The following DOP1B variants were observed in gnomAD, a reference collection of about 807,000 sequenced individuals.
DOP1B encodes the protein protein DOP1B.
Under a neutral mutation model 233.5 loss-of-function variants are expected in DOP1B, and 174 were observed. The observed-to-expected ratio is 0.75, with a 90% CI of 0.66 to 0.85. The LOEUF is 0.85. Ranked by LOEUF, DOP1B falls within the 40% of genes least tolerant of loss-of-function variation. DOP1B has a pLI of 0.00. For synonymous variants in DOP1B, 1,190 were observed against 1,185.6 expected (o/e 1.00, Z -0.08); for missense variants, 2,652 against 2,846.6 (o/e 0.93, Z 1.56).
At position 36,225,523 on chromosome 21, in the gene DOP1B, G is replaced by A. The variant is rs755477088; in HGVS notation, c.1371-42G>A. 6 of 1,609,316 alleles carry A rather than the reference G, an allele frequency of 3.7e-6. No homozygotes were observed. In the African/African-American group the frequency reaches 4.0e-5, roughly 11 times the overall value. ...TAAGATTATAGGTGTGAGCCTCCATGCCTGGCCAAAGAATGGATTTTTTCT... is the reference window on the plus strand; with the variant it reads ...TAAGATTATAGGTGTGAGCCTCCATACCTGGCCAAAGAATGGATTTTTTCT... On this transcript the variant is annotated intron_variant, in intron 11 of 36. Coordinates refer to ENST00000691173, the MANE Select transcript of DOP1B (RefSeq NM_001320714.2).
At position 36,232,819 on chromosome 21, in the gene DOP1B, GTTTTCCA is replaced by G; in HGVS notation, c.2368_2374del (p.Phe790LeufsTer3). 1.9e-6 allele frequency: 3 copies of G among 1,612,568 alleles called. No individual in the cohort carries two copies. Among genetic ancestry groups the G allele is most frequent in the Non-Finnish European group, 2.5e-6 (3 of 1,179,842 alleles). ...TTCCTTTCAGGAGCCGGTGATTCCA[GTTTTCCA>G]TCTTGGCTGAAGTCCCTCATGACTA... On this transcript the variant is annotated frameshift_variant, in exon 15 of 37. Transcript: ENST00000691173. LOFTEE classifies it high-confidence loss of function.
chr21:36,180,393 A>C (rs201082248), intron 2 of DOP1B, among the ~76,000 whole-genome samples: 2 of 151,564 alleles, frequency 1.3e-5, no homozygotes, highest in East Asian at 3.9e-4. Context: ...ACATGGTGAA[A>C]CCTCATCTTT....
intron 22 of DOP1B, among the ~76,000 whole-genome samples, chr21:36,253,406 T>A (rs2067053878): frequency 6.6e-6 from 1 of 152,174 alleles, no homozygotes; most frequent in Admixed American, 6.5e-5. Flanking sequence ...CAATAGGAAA[T>A]GTTTGTTTAA....
At chr21:36,269,454 G>A (rs1165662100) in intron 26 of DOP1B, among the ~76,000 whole-genome samples, 3 of 151,244 alleles carry the variant, frequency 2.0e-5, no homozygotes, top group Non-Finnish European at 4.4e-5. Flanking sequence ...CACACCTAGC[G>A]TATTAATAAT....
Position 36,289,064 on chromosome 21 carries a change from A to G in DOP1B, c.6373A>G (p.Arg2125Gly). 6.2e-7 allele frequency: 1 copy of G among 1,611,820 alleles called. No individual in the cohort carries two copies. The highest frequency in any genetic ancestry group is 2.2e-5 in the East Asian group (1 of 44,884). ...ESLRSTNKVN[R>G]TKVSVPDANG... is the part of the protein sequence containing the mutation. ...TTATAGAAGCACCAACAAAGTAAAC[A>G]GAACGAAAGTTTCAGTCCCGGATGC... Residue 2125 changes from arginine (R) to glycine (G), a missense_variant, in exon 35 of 37, where the codon AGA becomes GGA. This residue lies in a region of DOP1B where 2,617 missense variants were observed against 2,794.3 expected (regional missense o/e 0.94). Transcript: ENST00000691173.
Position 36,199,326 on chromosome 21 carries a change from GACAA to G in DOP1B, c.320+79_320+82del, listed in dbSNP as rs1198941686. The G allele has an allele frequency of 3.4e-5, 52 of 1,534,302 alleles. 1 individual carries two copies. In the South Asian group the frequency reaches 5.4e-4, roughly 16 times the overall value. ...ATTTCAGCTCACAAGATGAGAAAAT[GACAA>G]ACAGGCAAAATAAGCGTAGGGCTGT... On this transcript the variant is annotated intron_variant, in intron 3 of 36. Coordinates refer to ENST00000691173, the MANE Select transcript of DOP1B (RefSeq NM_001320714.2).
chr21:36,191,888 C>T (rs1401396771), intron 2 of DOP1B, among the ~76,000 whole-genome samples: 1 of 151,944 alleles, frequency 6.6e-6, no homozygotes, highest in Non-Finnish European at 1.5e-5. Flanking sequence ...TGGTAAAATA[C>T]ACATGGCCTA....
At chr21:36,259,713 G>A (rs1333660305) in intron 23 of DOP1B, among the ~76,000 whole-genome samples, 1 of 152,198 alleles carries the variant, frequency 6.6e-6, no homozygotes, top group Non-Finnish European at 1.5e-5. Flanking sequence ...ATGACAGCCA[G>A]AGCGAGTGTG....
At chr21:36,224,477 G>T (rs1442901824) in intron 11 of DOP1B, among the ~76,000 whole-genome samples, 1 of 151,670 alleles carries the variant, frequency 6.6e-6, no homozygotes, top group East Asian at 1.9e-4. Flanking sequence ...GCCGCATCTG[G>T]CCATCCTGGT....
At chr21:36,157,132 C>T (rs1220927653) in intron 1 of DOP1B, among the ~76,000 whole-genome samples, 189 bp downstream of exon 1, 1 of 152,092 alleles carries the variant, frequency 6.6e-6, no homozygotes, top group Admixed American at 6.5e-5. Flanking sequence ...GCGCGCTCTG[C>T]TGCAGTGCGG....
intron 5 of DOP1B, 94 bp from the exon 6 acceptor site, chr21:36,211,459 C>A: frequency 8.7e-7 from 1 of 1,143,448 alleles, no homozygotes; most frequent in Non-Finnish European, 1.3e-6. Context: ...AGTGATATAA[C>A]GCAGGAGTTT....
intron 26 of DOP1B, among the ~76,000 whole-genome samples, chr21:36,264,091 A>T (rs34253237): frequency 0.14 from 20,928 of 152,236 alleles, 1,560 homozygotes; most frequent in South Asian, 0.26. Context: ...ATGCAGATGT[A>T]TGTGGATCTC....
At chr21:36,255,716 G>A (rs2067088280) in intron 23 of DOP1B, among the ~76,000 whole-genome samples, 2 of 152,196 alleles carry the variant, frequency 1.3e-5, no homozygotes, top group Non-Finnish European at 2.9e-5. Flanking sequence ...ACGGGCGAGA[G>A]CCACCATGCC....
chr21:36,158,298 A>G (rs1404461901), intron 1 of DOP1B, among the ~76,000 whole-genome samples: 1 of 152,202 alleles, frequency 6.6e-6, no homozygotes, highest in Admixed American at 6.6e-5. Flanking sequence ...ATAGATTGCA[A>G]GATCATTGGC....
At position 36,280,286 on chromosome 21, in the gene DOP1B, T is replaced by C. The variant is rs1192065032; in HGVS notation, c.5971T>C (p.Trp1991Arg). 6.2e-7 allele frequency: 1 copy of C among 1,603,794 alleles called. No homozygotes were observed. The highest frequency in any genetic ancestry group is 8.5e-7 in the Non-Finnish European group (1 of 1,173,382). The change falls in exon 31 of 37, where the codon TGG becomes CGG. Residue 1991 changes from tryptophan (W) to arginine (R), a missense_variant and splice_region_variant. Physicochemically the swap from Trp to Arg is moderately radical, Grantham distance 101. Around this residue, in one of 3 missense-constraint regions of DOP1B, gnomAD observed 2,617 missense variants for 2,794.3 expected, o/e 0.94. Coordinates refer to ENST00000691173, the MANE Select transcript of DOP1B (RefSeq NM_001320714.2). ...FFQMDTSCVH[W>R]KSIIDHLLTH... is the part of the protein sequence containing the mutation. ...GATTTTGCTTTCTTTAATATCCAGT[T>C]GGAAGTCCATTATTGACCATCTTTT... is the stretch of plus-strand genomic sequence containing the variant.
At chr21:36,188,867 C>T (rs1290786051) in intron 2 of DOP1B, among the ~76,000 whole-genome samples, 4 of 152,076 alleles carry the variant, frequency 2.6e-5, no homozygotes, top group African/African-American at 4.8e-5. Flanking sequence ...CTAAATAAAG[C>T]GTTTTAAAAA....
Position 36,230,554 on chromosome 21 carries a change from G to A in DOP1B, c.1770G>A (p.Gly590=). 1 of 1,614,244 alleles carries A rather than the reference G, an allele frequency of 6.2e-7. No individual in the cohort carries two copies. The highest frequency in any genetic ancestry group is 8.5e-7 in the Non-Finnish European group (1 of 1,180,042). Residue 590 remains glycine (G), a synonymous_variant, in exon 14 of 37, where the codon GGG becomes GGA. Transcript: ENST00000691173. ...SFPPLKSEDS[G]IGLSASSPEL... ...CCCCTCTGAAGTCTGAGGACAGTGG[G>A]ATCGGGCTCAGTGCCTCGTCACCGG...
At position 36,245,148 on chromosome 21, in the gene DOP1B, G is replaced by C; in HGVS notation, c.3168G>C (p.Leu1056=). 2 of 1,614,038 alleles carry C rather than the reference G, an allele frequency of 1.2e-6. No homozygotes were observed. Among genetic ancestry groups the C allele is most frequent in the South Asian group, 2.2e-5 (2 of 91,084 alleles). The change falls in exon 19 of 37, where the codon CTG becomes CTC. Residue 1056 remains leucine, a synonymous_variant. Transcript: ENST00000691173. This position sits in a 1 kb window ranked among gnomAD's most constrained non-coding sequence, Gnocchi z 5.5. ...QESGSEEHLP[L]SQFTTVDREA... ...GCGGCTCTGAAGAGCACCTGCCTCT[G>C]AGCCAGTTCACCACAGTGGACCGTG... is the stretch of plus-strand genomic sequence containing the variant.
intron 9 of DOP1B, 77 bp from the exon 10 acceptor site, chr21:36,219,295 T>TTA: frequency 6.4e-7 from 1 of 1,552,168 alleles, no homozygotes; most frequent in South Asian, 1.1e-5. Context: ...ATATATGTCT[T>TTA]ATGTATATAC....
Sources: gnomAD v4.1 joint callset for allele counts (sites outside exome capture counted in the v4.1 genomes callset) on GRCh38, gnomAD v4.1.1 for gene constraint, gnomAD v4.1.1 regional missense constraint, Gnocchi (gnomAD v3.1) non-coding constraint, MANE v1.5 for transcripts, NCBI Gene and HGNC (gene_info 2026-07-23, HGNC 2026-07-21) for gene names.